The following GBX2 variants were observed in gnomAD, a reference collection of about 807,000 sequenced individuals.
GBX2 encodes the protein homeobox protein GBX-2.
A neutral mutation model predicts 22.4 loss-of-function variants in GBX2; 5 were observed. That is an observed-to-expected ratio of 0.22 (90% CI 0.12 to 0.47). GBX2 has a LOEUF of 0.47. Among genes scored for constraint, GBX2 ranks in the 20% least tolerant of loss-of-function variants. GBX2 has a pLI of 0.99. For missense variants in GBX2, 470 were observed against 495.4 expected, an observed-to-expected ratio of 0.95 and a Z score of 0.49; for synonymous variants, 220 against 230.5, an observed-to-expected ratio of 0.95 and a Z score of 0.41.
Position 236,167,978 on chromosome 2 carries a change from G to A in GBX2, c.-7C>T. 6.5e-7 allele frequency: 1 copy of A among 1,549,546 alleles called. No homozygotes were observed. The highest frequency in any genetic ancestry group is 8.7e-7 in the Non-Finnish European group (1 of 1,150,888). The stretch of plus-strand genomic sequence containing the variant: ...GCGGGAACGCTGCGCTCATAGACGC[G>A]CTCGGTAGAGGCCAGCGAGAGGCGA... On this transcript the variant is annotated 5_prime_UTR_variant, in exon 1 of 2. Transcript: ENST00000306318.
chr2:236,165,946 G>T lies in GBX2; in HGVS notation c.1015C>A (p.Gln339Lys). The change falls in exon 2 of 2, where the codon CAG becomes AAG. Residue 339 changes from glutamine to lysine, a missense_variant. Physicochemically the swap from Gln to Lys is moderately conservative, Grantham distance 53. Coordinates refer to ENST00000306318, the MANE Select transcript of GBX2 (RefSeq NM_001485.4). ...VHVSRFAIRSQHQQLEQARP is the reference protein window; with the variant it reads ...VHVSRFAIRSKHQQLEQARP ...CGGGCCTGTTCTAGCTGCTGATGCT[G>T]ACTTCTGATAGCGAACCTGCTGACG... 6.2e-7 allele frequency: 1 copy of T among 1,614,036 alleles called. No homozygotes were observed. Among genetic ancestry groups the T allele is most frequent in the Non-Finnish European group, 8.5e-7 (1 of 1,179,956 alleles).
chr2:236,163,732 C>G (rs2126006945), downstream of GBX2, among the ~76,000 whole-genome samples: 1 of 152,198 alleles, frequency 6.6e-6, no homozygotes, highest in Non-Finnish European at 1.5e-5. Flanking sequence ...CTGCGGGCCT[C>G]GAATGCTGCA....
chr2:236,164,502 C>T (rs897599117), downstream of GBX2, among the ~76,000 whole-genome samples: 1 of 152,176 alleles, frequency 6.6e-6, no homozygotes, highest in African/African-American at 2.4e-5. Flanking sequence ...AGGCACGCCC[C>T]ACCGAGATGG....
chr2:236,167,774 G>A lies in GBX2; in HGVS notation c.198C>T (p.Pro66=). The change falls in exon 1 of 2, where the codon CCC becomes CCT. Residue 66 remains proline, a synonymous_variant. Transcript: ENST00000306318. The part of the protein sequence containing the change: ...PPPPPPPPAL[P]QAALQPALPP... ...GCAGCGCTGGCTGCAGCGCGGCCTG[G>A]GGCAGCGCGGGCGGCGGCGGCGGCG... 7.0e-7 allele frequency: 1 copy of A among 1,422,914 alleles called. No individual in the cohort carries two copies. The highest frequency in any genetic ancestry group is 1.5e-5 in the African/African-American group (1 of 67,646). 88.1% of individuals were successfully genotyped at this position (1,422,914 alleles called of 1,614,324 possible). A position where few individuals can be genotyped will look rare whatever the true frequency, so the allele number is the denominator to read the frequency against.
chr2:236,167,393 GCCCGCCCCCGCCTCCT>G, intron 1 of GBX2, 40 bp downstream of exon 1: 2 of 1,412,580 alleles, frequency 1.4e-6, no homozygotes, highest in Non-Finnish European at 9.2e-7. Flanking sequence ...CCCGGCGCTG[GCCCGCCCCCGCCTCCT>G]CCCGCCCCCT....
In GBX2 at chr2:236,166,218, C is replaced by G; in HGVS notation, c.743G>C (p.Arg248Pro). 6.2e-7 allele frequency: 1 copy of G among 1,613,700 alleles called. No homozygotes were observed. The highest frequency in any genetic ancestry group is 1.1e-5 in the South Asian group (1 of 91,076). Residue 248 changes from arginine (R) to proline (P), a missense_variant, in exon 2 of 2, where the codon CGG becomes CCG. By Grantham distance (103) the Arg-to-Pro change is moderately radical (BLOSUM62 -2). Transcript: ENST00000306318. The surrounding 1 kb of genome is among the most constrained non-coding windows in gnomAD (Gnocchi z 6.6). ...GCTGGTGAAGGCAGTCCGCCGCCGC[C>G]GGTTCTTGCCCGTAGACGTGGTGCT... The part of the protein sequence containing the change: ...AGSTTSTGKN[R>P]RRRTAFTSEQ...
At chr2:236,167,202 A>C in intron 1 of GBX2, 1 of 1,534,816 alleles carries the variant, frequency 6.5e-7, no homozygotes, top group Non-Finnish European at 8.7e-7. Flanking sequence ...TCAGATAGAT[A>C]TGTGGCCCAG....
chr2:236,164,549 C>A (rs1276149165), downstream of GBX2, among the ~76,000 whole-genome samples: 1 of 152,114 alleles, frequency 6.6e-6, no homozygotes, highest in Non-Finnish European at 1.5e-5. Flanking sequence ...CAGACCGACT[C>A]CCAGCTCCCC....
intron 1 of GBX2, chr2:236,167,007 C>A (rs1467462417): frequency 1.2e-6 from 1 of 824,764 alleles, no homozygotes; most frequent in Non-Finnish European, 2.0e-6. Context: ...CAGGCACAGC[C>A]TCCCAGCAGT....
rs1029023470 is a variant in GBX2, at chr2:236,167,391, T to A, written c.523+58A>T. ...TTGGTCTCCCGCGGGAACCCGGCGC[T>A]GGCCCGCCCCCGCCTCCTCCCGCCC... On this transcript the variant is annotated intron_variant, in intron 1 of 1. Transcript: ENST00000306318. The A allele has an allele frequency of 6.9e-5, 98 of 1,412,040 alleles. No homozygotes were observed. The African/African-American group carries it at 1.1e-3, about 15-fold the overall frequency. 87.5% of individuals were successfully genotyped at this position (1,412,040 alleles called of 1,614,324 possible).
Position 236,168,125 on chromosome 2 carries a change from C to A in GBX2, c.-154G>T, listed in dbSNP as rs1026890823. On this transcript the variant is annotated 5_prime_UTR_variant, in exon 1 of 2. Coordinates refer to ENST00000306318, the MANE Select transcript of GBX2 (RefSeq NM_001485.4). ...ACGCCTCCGCCCCTCAGTCCTGGGC[C>A]CGCTGCATGCCGGGCGGGTGCAGGG... The A allele has an allele frequency of 5.5e-5, 40 of 731,630 alleles. No homozygotes were observed. The highest frequency in any genetic ancestry group is 9.4e-6 in the Non-Finnish European group (5 of 530,316). 45.3% of individuals were successfully genotyped at this position (731,630 alleles called of 1,614,324 possible). A position where few individuals can be genotyped will look rare whatever the true frequency, so the allele number is the denominator to read the frequency against.
chr2:236,167,154 C>T (rs2060243976), intron 1 of GBX2: 1 of 1,535,620 alleles, frequency 6.5e-7, no homozygotes, highest in Non-Finnish European at 8.7e-7. Flanking sequence ...CCCCAGGTCA[C>T]CGCGGAGCGG....
At chr2:236,167,146 C>G in intron 1 of GBX2, 1 of 1,535,628 alleles carries the variant, frequency 6.5e-7, no homozygotes, top group Non-Finnish European at 8.7e-7. Context: ...ACCCGGAACC[C>G]CAGGTCACCG....
At chr2:236,167,226 C>A in intron 1 of GBX2, 1 of 1,525,520 alleles carries the variant, frequency 6.6e-7, no homozygotes, top group South Asian at 1.2e-5. Context: ...AGCAGCTGGT[C>A]GCCGGGCGCT....
At chr2:236,167,259 C>T in intron 1 of GBX2, 190 bp downstream of exon 1, 1 of 1,450,256 alleles carries the variant, frequency 6.9e-7, no homozygotes, top group Non-Finnish European at 9.4e-7. Flanking sequence ...TCCCGAGACC[C>T]CGCTTGTTGG....
At position 236,168,258 on chromosome 2, in the gene GBX2, C is replaced by A. The variant is rs2060254908; in HGVS notation, c.-287G>T. On this transcript the variant is annotated 5_prime_UTR_variant, in exon 1 of 2. Transcript: ENST00000306318. ...TGCCCGTCGGAGCCCGCGCGCTTCG[C>A]GGGTTTGGCCCTCGGCCCCGGTAAG... 4.9e-6 allele frequency: 1 copy of A among 205,792 alleles called. No homozygotes were observed. The highest frequency in any genetic ancestry group is 9.6e-6 in the Non-Finnish European group (1 of 103,996). The allele number at this position is 205,792 out of a possible 1,614,324, so 12.7% of individuals were successfully genotyped here.
rs770456366 is a variant in GBX2, at chr2:236,167,915, G to A, written c.57C>T (p.Ser19=). ...LMMMQRPLGS[S]TAFSIDSLIG... ...TCAGCGAGTCTATGCTGAAGGCGGT[G>A]CTACTCCCCAGCGGGCGCTGCATCA... is the stretch of plus-strand genomic sequence containing the variant. The change falls in exon 1 of 2, where the codon AGC becomes AGT. Residue 19 remains serine (S), a synonymous_variant. Coordinates refer to ENST00000306318, the MANE Select transcript of GBX2 (RefSeq NM_001485.4). The A allele has an allele frequency of 8.3e-6, 13 of 1,562,124 alleles. No individual in the cohort carries two copies. In the South Asian group the frequency reaches 1.2e-4, roughly 14 times the overall value.
rs201674356 is a variant in GBX2, at chr2:236,166,252, C to T, written c.709G>A (p.Ala237Thr). The stretch of plus-strand genomic sequence containing the variant: ...CCCGTAGACGTGGTGCTGCCCGCGG[C>T]GCCGCTGCTCGGCGGGGTCTCCTCC... ...ALEETPPSSG[A>T]AGSTTSTGKN... is the part of the protein sequence containing the mutation. Residue 237 changes from alanine (A) to threonine (T), a missense_variant, in exon 2 of 2, where the codon GCC (alanine) becomes ACC (threonine). By Grantham distance (58) the Ala-to-Thr change is moderately conservative. Around this residue, in one of 4 missense-constraint regions of GBX2, gnomAD observed 377 missense variants for 358.6 expected, o/e 1.05. Transcript: ENST00000306318. This position sits in a 1 kb window ranked among gnomAD's most constrained non-coding sequence, Gnocchi z 6.6. 259 of 1,613,422 alleles carry T rather than the reference C, an allele frequency of 1.6e-4. No homozygotes were observed. Among genetic ancestry groups the T allele is most frequent in the Non-Finnish European group, 2.1e-4 (242 of 1,179,942 alleles).
Position 236,166,529 on chromosome 2 carries a change from GCCCCCCA to G in GBX2, c.524-99_524-93del. 9.1e-7 allele frequency: 1 copy of G among 1,094,974 alleles called. No homozygotes were observed. Among genetic ancestry groups the G allele is most frequent in the Non-Finnish European group, 1.3e-6 (1 of 747,170 alleles). 67.8% of individuals were successfully genotyped at this position (1,094,974 alleles called of 1,614,324 possible). A position where few individuals can be genotyped will look rare whatever the true frequency, so the allele number is the denominator to read the frequency against. ...GTCATTTGGACATTCCGCGCCCCCC[GCCCCCCA>G]CCCTTTAGCGGATTGTCTTTCTATG... On this transcript the variant is annotated intron_variant, in intron 1 of 1. Transcript: ENST00000306318. This position sits in a 1 kb window ranked among gnomAD's most constrained non-coding sequence, Gnocchi z 6.6.
Sources: gnomAD v4.1 joint callset for allele counts (sites outside exome capture counted in the v4.1 genomes callset) on GRCh38, gnomAD v4.1.1 for gene constraint, gnomAD v4.1.1 regional missense constraint, Gnocchi (gnomAD v3.1) non-coding constraint, MANE v1.5 for transcripts, NCBI Gene and HGNC (gene_info 2026-07-23, HGNC 2026-07-21) for gene names.